Variants in ACOT13 observed in about 807,000 individuals in gnomAD.
ACOT13 encodes acyl-coenzyme A thioesterase 13.
Under a neutral mutation model 11.8 loss-of-function variants are expected in ACOT13, and 10 were observed. That is an observed-to-expected ratio of 0.85 (90% confidence interval 0.53 to 1.44). The LOEUF is 1.44. Among genes scored for constraint, ACOT13 ranks in the 40% most tolerant of loss-of-function variants. The pLI, the probability that ACOT13 is intolerant of heterozygous loss-of-function variation, is 0.00. For synonymous variants in ACOT13, 53 were observed against 61.0 expected (o/e 0.87, Z 0.61); for missense variants, 172 against 174.1 (o/e 0.99, Z 0.07).
chr6:24,703,667 A>G lies in ACOT13; in HGVS notation c.*2052A>G, dbSNP rs1256784210. 3 of 152,164 alleles carry G rather than the reference A, an allele frequency of 2.0e-5. No homozygotes were observed. The highest frequency in any genetic ancestry group is 1.9e-4 in the East Asian group (1 of 5,204). The allele number at this position is 152,164 out of a possible 1,614,324, so 9.4% of individuals were successfully genotyped here. On this transcript the variant is annotated 3_prime_UTR_variant, in exon 3 of 3. Coordinates refer to ENST00000230048, the MANE Select transcript of ACOT13 (RefSeq NM_018473.4). The stretch of plus-strand genomic sequence containing the variant: ...TCACTATTTTGTAACCATCATAGTT[A>G]AAGACTGGTTTGGGTTTTAGTCTGG...
chr6:24,691,366 C>A (rs934058046), intron 1 of ACOT13, among the ~76,000 whole-genome samples: 8 of 152,114 alleles, frequency 5.3e-5, no homozygotes, highest in Non-Finnish European at 8.8e-5. Flanking sequence ...TCAGTGAACA[C>A]AACTGACAAA....
intron 1 of ACOT13, among the ~76,000 whole-genome samples, chr6:24,673,679 TTAAGAG>T (rs1453843892): frequency 1.3e-5 from 2 of 152,198 alleles, no homozygotes; most frequent in African/African-American, 4.8e-5. Flanking sequence ...TTATAATTTA[TTAAGAG>T]TAAGTTAACC....
intron 2 of ACOT13, among the ~76,000 whole-genome samples, chr6:24,698,364 G>C (rs1222843637): frequency 6.6e-6 from 1 of 152,124 alleles, no homozygotes; most frequent in Non-Finnish European, 1.5e-5. Context: ...CAAACTGATG[G>C]CTCATAACTG....
chr6:24,677,174 C>T (rs368972850), intron 1 of ACOT13, among the ~76,000 whole-genome samples: 2 of 152,260 alleles, frequency 1.3e-5, no homozygotes, highest in East Asian at 3.9e-4. Context: ...CAAGGGAACC[C>T]CTAAAAGGTC....
rs569217896 is a variant in ACOT13 at position 24,704,320 on chromosome 6, A to G, written c.*2705A>G. 4 of 152,366 alleles carry G rather than the reference A, an allele frequency of 2.6e-5. 1 individual carries two copies. Among genetic ancestry groups the G allele is most frequent in the Admixed American group, 2.6e-4 (4 of 15,310 alleles). The allele number at this position is 152,366 out of a possible 1,614,324, so 9.4% of individuals were successfully genotyped here. On this transcript the variant is annotated 3_prime_UTR_variant, in exon 3 of 3. Transcript: ENST00000230048. ...TTCATATTACTCTGGTAACTTTTCT[A>G]AATTATTCCAAAATAAAAACGTAAA... is the stretch of plus-strand genomic sequence containing the variant.
chr6:24,674,786 G>A (rs993496057), intron 1 of ACOT13, among the ~76,000 whole-genome samples: 3 of 151,922 alleles, frequency 2.0e-5, no homozygotes, highest in Non-Finnish European at 4.4e-5. Flanking sequence ...CAACGTGCAG[G>A]TTTGTTACAT....
In ACOT13 at chr6:24,702,963, C is replaced by T. The variant is rs1327294895; in HGVS notation, c.*1348C>T. 6.6e-6 allele frequency: 1 copy of T among 152,244 alleles called. No individual in the cohort carries two copies. The highest frequency in any genetic ancestry group is 2.4e-5 in the African/African-American group (1 of 41,460). The allele number at this position is 152,244 out of a possible 1,614,324, so 9.4% of individuals were successfully genotyped here. A position where few individuals can be genotyped will look rare whatever the true frequency, so the allele number is the denominator to read the frequency against. On this transcript the variant is annotated 3_prime_UTR_variant, in exon 3 of 3. Coordinates refer to ENST00000230048, the MANE Select transcript of ACOT13 (RefSeq NM_018473.4). ...CTGGAGTGATACAATCACAGCTTCC[C>T]ATAGCCTCAAAATCCCAGGCTCAAG...
intron 1 of ACOT13, among the ~76,000 whole-genome samples, chr6:24,684,317 G>A (rs1366194085): frequency 6.6e-6 from 1 of 152,140 alleles, no homozygotes; most frequent in Admixed American, 6.5e-5. Flanking sequence ...TTGGCCTAAG[G>A]GGATCTTTGA....
At chr6:24,684,128 G>A (rs1778594516) in intron 1 of ACOT13, among the ~76,000 whole-genome samples, 1 of 152,146 alleles carries the variant, frequency 6.6e-6, no homozygotes, top group South Asian at 2.1e-4. Flanking sequence ...CTCAGGCTGT[G>A]TTGTAACAAC....
At chr6:24,671,497 G>T (rs1252649545) in intron 1 of ACOT13, among the ~76,000 whole-genome samples, 1 of 152,076 alleles carries the variant, frequency 6.6e-6, no homozygotes. Context: ...AGCACTAGGA[G>T]AAATACCTAA....
chr6:24,690,742 C>T (rs904352540), intron 1 of ACOT13, among the ~76,000 whole-genome samples: 1 of 152,120 alleles, frequency 6.6e-6, no homozygotes, highest in African/African-American at 2.4e-5. Flanking sequence ...AGTTTGCCAA[C>T]TCTTGTTATT....
intron 2 of ACOT13, among the ~76,000 whole-genome samples, chr6:24,699,545 A>G (rs374475325): frequency 6.6e-6 from 1 of 152,204 alleles, no homozygotes; most frequent in Admixed American, 6.5e-5. Context: ...TATTTTATCA[A>G]GTTTACTTAA....
chr6:24,675,624 A>T (rs1454373491), intron 1 of ACOT13, among the ~76,000 whole-genome samples: 1 of 152,076 alleles, frequency 6.6e-6, no homozygotes, highest in Non-Finnish European at 1.5e-5. Flanking sequence ...TAGATTCTGG[A>T]TATTAGCCCT....
chr6:24,686,501 G>C (rs759683803), intron 1 of ACOT13, among the ~76,000 whole-genome samples: 8 of 151,972 alleles, frequency 5.3e-5, no homozygotes, highest in African/African-American at 1.9e-4. Context: ...AAGCAGGTGC[G>C]TCAAATGGCA....
At chr6:24,696,521 C>T (rs1186237003) in intron 1 of ACOT13, among the ~76,000 whole-genome samples, 1 of 152,150 alleles carries the variant, frequency 6.6e-6, no homozygotes, top group Non-Finnish European at 1.5e-5. Context: ...TATAACCAAC[C>T]ATTTAATGCT....
At chr6:24,669,886 G>T (rs998695006) in intron 1 of ACOT13, among the ~76,000 whole-genome samples, 1 of 152,116 alleles carries the variant, frequency 6.6e-6, no homozygotes, top group East Asian at 1.9e-4. Context: ...AGTTTAAGTT[G>T]TCTAGCTTCA....
At chr6:24,674,057 TTTTG>T (rs775078311) in intron 1 of ACOT13, among the ~76,000 whole-genome samples, 4 of 152,198 alleles carry the variant, frequency 2.6e-5, no homozygotes, top group East Asian at 1.9e-4. Flanking sequence ...GTGGGGTTTT[TTTTG>T]TTTGTTTGTT....
chr6:24,686,973 G>A (rs140396248), intron 1 of ACOT13, among the ~76,000 whole-genome samples: 26 of 152,228 alleles, frequency 1.7e-4, no homozygotes, highest in African/African-American at 6.0e-4. Context: ...CAAACCATTC[G>A]TGAGAAATCT....
At chr6:24,685,471 C>G (rs993483678) in intron 1 of ACOT13, among the ~76,000 whole-genome samples, 2 of 151,372 alleles carry the variant, frequency 1.3e-5, no homozygotes, top group Non-Finnish European at 2.9e-5. Flanking sequence ...CTCAGCCTCC[C>G]GAGTAGCTGG....
Sources: gnomAD v4.1 joint callset for allele counts (sites outside exome capture counted in the v4.1 genomes callset) on GRCh38, gnomAD v4.1.1 for gene constraint, MANE v1.5 for transcripts, NCBI Gene and HGNC (gene_info 2026-07-23, HGNC 2026-07-21) for gene names.